POLR1C: variants seen among roughly 807,000 people sequenced by gnomAD.
The protein encoded by POLR1C is DNA-directed RNA polymerases I and III subunit RPAC1.
POLR1C carries 42 observed loss-of-function variants against 38.3 expected under a neutral mutation model. The ratio of observed to expected loss-of-function variants is 1.10; its 90% CI spans 0.86 to 1.42. POLR1C has a LOEUF of 1.42. Among genes scored for constraint, POLR1C ranks in the 40% most tolerant of loss-of-function variants. The pLI is 0.00. For missense variants in POLR1C, 507 were observed against 450.5 expected (o/e 1.13, Z -1.14); for synonymous variants, 163 against 163.9 (o/e 0.99, Z 0.04).
chr6:43,527,722 A>G (rs369144172), intron 8 of POLR1C: 10 of 1,613,838 alleles, frequency 6.2e-6, no homozygotes, highest in African/African-American at 1.3e-5. Context: ...CTGCAGCCTC[A>G]TCTTCTCCAC....
downstream of POLR1C, chr6:43,522,963 T>C (rs1793288495): frequency 1.7e-5 from 3 of 177,328 alleles, no homozygotes; most frequent in South Asian, 2.9e-4. Flanking sequence ...TGAAAGACCA[T>C]GAGATTGTGG....
chr6:43,539,747 G>T, intron 9 of POLR1C: 1 of 605,628 alleles, frequency 1.7e-6, no homozygotes, highest in Non-Finnish European at 2.9e-6. Flanking sequence ...CTATTCTTGG[G>T]AATAGTTTGT....
intron 9 of POLR1C, among the ~76,000 whole-genome samples, chr6:43,549,157 G>A: frequency 6.6e-6 from 1 of 152,158 alleles, no homozygotes. Flanking sequence ...CGCCTCCTGA[G>A]TTCAAGTGAT....
At chr6:43,553,670 AGAT>A (rs1489891010) in intron 10 of POLR1C, 1 of 1,375,206 alleles carries the variant, frequency 7.3e-7, no homozygotes, top group African/African-American at 1.5e-5. Flanking sequence ...GGCAAAGAAA[AGAT>A]GATGTGTGCT....
Position 43,560,198 on chromosome 6 carries a change from A to T in POLR1C, c.*49-1202A>T, listed in dbSNP as rs780266230. On this transcript the variant is annotated intron_variant, in intron 10 of 10. Coordinates refer to the POLR1C transcript ENST00000607635. ...TATACCTTGACCAAGTTAGTCATGG[A>T]AGCACGAAGATATTTTGGTATTATT... 3 of 1,612,610 alleles carry T rather than the reference A, an allele frequency of 1.9e-6. No individual in the cohort carries two copies. The highest frequency in any genetic ancestry group is 1.7e-5 in the Admixed American group (1 of 59,826).
At chr6:43,549,707 G>C (rs1422310022) in intron 9 of POLR1C, 26 of 1,253,416 alleles carry the variant, frequency 2.1e-5, no homozygotes, top group Non-Finnish European at 2.4e-5. Flanking sequence ...GAGTATAATG[G>C]AGTAACATTT....
chr6:43,558,087 C>T (rs1762202483), intron 10 of POLR1C, among the ~76,000 whole-genome samples: 1 of 148,460 alleles, frequency 6.7e-6, no homozygotes, highest in Admixed American at 6.7e-5. Context: ...AAGAGTGAAA[C>T]TCCATCTCAA....
chr6:43,542,495 C>T (rs372109931), intron 9 of POLR1C, among the ~76,000 whole-genome samples: 2 of 152,202 alleles, frequency 1.3e-5, no homozygotes, highest in African/African-American at 2.4e-5. Flanking sequence ...CTGCAACCTC[C>T]GCCTCCCAAG....
chr6:43,549,458 T>G, intron 9 of POLR1C: 3 of 1,571,052 alleles, frequency 1.9e-6, no homozygotes, highest in Non-Finnish European at 2.6e-6. Context: ...TAACCAAACT[T>G]GGCTACTTCA....
chr6:43,561,348 A>C (rs1762405320), intron 10 of POLR1C: 1 of 223,858 alleles, frequency 4.5e-6, no homozygotes, highest in African/African-American at 2.3e-5. Flanking sequence ...TCTGTGTCCC[A>C]ACCTATTACC....
At chr6:43,536,854 A>T (rs1205489259) in intron 9 of POLR1C, among the ~76,000 whole-genome samples, 1 of 149,778 alleles carries the variant, frequency 6.7e-6, no homozygotes, top group Non-Finnish European at 1.5e-5. Context: ...GGCTGGTAGG[A>T]ATCTAATTGT....
chr6:43,531,068 T>C (rs1554133025), downstream of POLR1C, among the ~76,000 whole-genome samples: 1 of 152,236 alleles, frequency 6.6e-6, no homozygotes, highest in Non-Finnish European at 1.5e-5. Flanking sequence ...TTAGCTTGGC[T>C]GATTAGTGTA....
At chr6:43,545,536 GTC>G (rs1479881012) in intron 9 of POLR1C, among the ~76,000 whole-genome samples, 1 of 152,012 alleles carries the variant, frequency 6.6e-6, no homozygotes, top group Non-Finnish European at 1.5e-5. Context: ...GCGAAGCCCT[GTC>G]TCTACTAAAA....
At chr6:43,557,745 G>A (rs1182507443) in intron 10 of POLR1C, among the ~76,000 whole-genome samples, 1 of 136,930 alleles carries the variant, frequency 7.3e-6, no homozygotes, top group Admixed American at 7.9e-5. Context: ...GTATGTGGGT[G>A]AACTGTATGG....
chr6:43,526,024 G>A, downstream of POLR1C: 1 of 1,347,192 alleles, frequency 7.4e-7, no homozygotes, highest in Non-Finnish European at 1.0e-6. Flanking sequence ...GAGTGTTCTA[G>A]GCTAAGTGGT....
chr6:43,549,830 A>T, intron 9 of POLR1C: 1 of 1,488,404 alleles, frequency 6.7e-7, no homozygotes, highest in Non-Finnish European at 9.2e-7. Context: ...TAAACTGAGT[A>T]TCAGGTATTC....
chr6:43,529,067 T>C, intron 8 of POLR1C: 1 of 1,105,774 alleles, frequency 9.0e-7, no homozygotes. Flanking sequence ...TGAAAAAATC[T>C]TAAAGTTCTT....
Position 43,544,574 on chromosome 6 carries a change from A to G in POLR1C, c.*5-6394A>G, listed in dbSNP as rs116130827. ...GTCTAGGTGATTAGCTTCTTGCCCT[A>G]TGATTTCCATCACTTTCACGTTTCT... On this transcript the variant is annotated intron_variant, in intron 9 of 10. Coordinates refer to the POLR1C transcript ENST00000607635. 5.0e-3 allele frequency among the ~76,000 whole-genome samples: 765 copies of G among 152,280 alleles called. 5 individuals carry two copies. Among genetic ancestry groups the G allele is most frequent in the African/African-American group, 0.017 (696 of 41,570 alleles).
chr6:43,519,960 T>C (rs1793053269), intron 4 of POLR1C, 106 bp from the exon 5 acceptor site: 1 of 1,549,364 alleles, frequency 6.5e-7, no homozygotes, highest in East Asian at 2.4e-5. Context: ...ACACTTGCCT[T>C]GTCTCCCAAG....
Sources: gnomAD v4.1 joint callset for allele counts (sites outside exome capture counted in the v4.1 genomes callset) on GRCh38, gnomAD v4.1.1 for gene constraint, MANE v1.5 for transcripts, NCBI Gene and HGNC (gene_info 2026-07-23, HGNC 2026-07-21) for gene names.